Variants in MGAT4C observed in about 807,000 individuals in gnomAD.
MGAT4C encodes the protein alpha-1,3-mannosyl-glycoprotein 4-beta-N-acetylglucosaminyltransferase C.
In MGAT4C, 19 loss-of-function variants were observed where a neutral mutation model predicts 40.1. That is an observed-to-expected ratio of 0.47 (90% CI 0.33 to 0.70). The LOEUF (loss-of-function observed/expected upper bound fraction) is 0.70. Ranked by LOEUF, MGAT4C falls within the 30% of genes least tolerant of loss-of-function variation. The probability of loss-of-function intolerance (pLI) is 0.02; values close to 1 mark genes in which losing one functional copy is unlikely to be tolerated. For missense variants in MGAT4C, 491 were observed against 563.2 expected, an observed-to-expected ratio of 0.87 and a Z score of 1.30; for synonymous variants, 181 against 187.1, an observed-to-expected ratio of 0.97 and a Z score of 0.27.
intron 3 of MGAT4C, among the ~76,000 whole-genome samples, chr12:86,429,164 T>C (rs981414389): frequency 6.6e-5 from 10 of 152,246 alleles, no homozygotes; most frequent in Middle Eastern, 3.4e-3. Context: ...TGTGTTTCCA[T>C]TTGTGTTTGT....
At chr12:86,701,434 T>A (rs1950362770) in intron 2 of MGAT4C, among the ~76,000 whole-genome samples, 1 of 152,140 alleles carries the variant, frequency 6.6e-6, no homozygotes, top group South Asian at 2.1e-4. Context: ...GTTATTTTTG[T>A]AATCGTTTTA....
intron 3 of MGAT4C, among the ~76,000 whole-genome samples, chr12:86,349,137 T>C (rs1378577631): frequency 6.6e-6 from 1 of 152,172 alleles, no homozygotes; most frequent in Non-Finnish European, 1.5e-5. Context: ...AACCATGTCC[T>C]TGAAATCTTA....
At chr12:86,446,147 T>G (rs1052777941) in intron 2 of MGAT4C, among the ~76,000 whole-genome samples, 1 of 152,120 alleles carries the variant, frequency 6.6e-6, no homozygotes, top group African/African-American at 2.4e-5. Flanking sequence ...TTATTGTGAT[T>G]TATGTTCTTT....
At chr12:86,367,049 G>C (rs2136207837) in intron 3 of MGAT4C, among the ~76,000 whole-genome samples, 1 of 152,128 alleles carries the variant, frequency 6.6e-6, no homozygotes, top group South Asian at 2.1e-4. Flanking sequence ...TAAAGTGAAA[G>C]TATATTTTTA....
At position 85,978,232 on chromosome 12, in the gene MGAT4C, A is replaced by G. The variant is rs966436425; in HGVS notation, c.*1057T>C. 6.6e-6 allele frequency: 1 copy of G among 151,712 alleles called. No individual in the cohort carries two copies. Among genetic ancestry groups the G allele is most frequent in the African/African-American group, 2.4e-5 (1 of 41,402 alleles). The allele number at this position is 151,712 out of a possible 1,614,324, so 9.4% of individuals were successfully genotyped here. On this transcript the variant is annotated 3_prime_UTR_variant, in exon 5 of 5. Transcript: ENST00000611864. ...GAACACAAAGCATAAATCTGTCAGG[A>G]GAAATCATACGAGAAAAAGAGCATT...
chr12:86,045,279 G>A (rs984153579), intron 2 of MGAT4C, among the ~76,000 whole-genome samples: 5 of 152,112 alleles, frequency 3.3e-5, no homozygotes, highest in Admixed American at 6.6e-5. Flanking sequence ...ACATTGCAGC[G>A]ATTGGCTGGA....
At chr12:86,837,608 A>G (rs75513409) in intron 1 of MGAT4C, among the ~76,000 whole-genome samples, 2,020 of 152,194 alleles carry the variant, frequency 0.013, 35 homozygotes, top group African/African-American at 0.045. Context: ...TATACCTGCT[A>G]TTCTAACCAT....
In MGAT4C at chr12:86,137,686, T is replaced by C. The variant is rs1882166493; in HGVS notation, c.-56-87963A>G. Among the ~76,000 whole-genome samples, 3 of 152,326 alleles carry C rather than the reference T, an allele frequency of 2.0e-5. No individual in the cohort carries two copies. The South Asian group carries it at 6.2e-4, about 32-fold the overall frequency. ...ATTTTGCAGACATTTGTAGGTGCTA[T>C]GGCCAGATTCCTTCCGATTACTTTT... On this transcript the variant is annotated intron_variant, in intron 1 of 4. Coordinates refer to ENST00000611864, the MANE Select transcript of MGAT4C (RefSeq NM_001351288.2).
At chr12:86,230,348 T>C (rs1357867926) in intron 1 of MGAT4C, among the ~76,000 whole-genome samples, 1 of 152,150 alleles carries the variant, frequency 6.6e-6, no homozygotes, top group African/African-American at 2.4e-5. Flanking sequence ...CCCTACACTC[T>C]ATATGAAAAG....
At chr12:86,184,181 A>G (rs1159669320) in intron 1 of MGAT4C, among the ~76,000 whole-genome samples, 4 of 152,016 alleles carry the variant, frequency 2.6e-5, no homozygotes, top group African/African-American at 9.7e-5. Context: ...TACTATAATT[A>G]CTAATCAATT....
chr12:86,815,777 A>G (rs1182528402), intron 1 of MGAT4C, among the ~76,000 whole-genome samples: 1 of 150,468 alleles, frequency 6.6e-6, no homozygotes, highest in Non-Finnish European at 1.5e-5. Flanking sequence ...CAAACATCAT[A>G]TGTTCTCACT....
At chr12:86,563,205 A>C (rs1319272819) in intron 2 of MGAT4C, among the ~76,000 whole-genome samples, 1 of 152,212 alleles carries the variant, frequency 6.6e-6, no homozygotes, top group Non-Finnish European at 1.5e-5. Context: ...TGGGAACCAT[A>C]GTCACTCAAT....
chr12:86,464,905 A>C (rs1565780218), intron 2 of MGAT4C, among the ~76,000 whole-genome samples: 1 of 152,114 alleles, frequency 6.6e-6, no homozygotes, highest in Non-Finnish European at 1.5e-5. Context: ...CATTATATTT[A>C]TATGATATAC....
chr12:85,998,067 T>A (rs1886836337), intron 2 of MGAT4C, among the ~76,000 whole-genome samples: 1 of 152,216 alleles, frequency 6.6e-6, no homozygotes. Context: ...ATGCAGAGGT[T>A]CCCAAACCCT....
At chr12:86,604,420 C>T (rs1441334985) in intron 2 of MGAT4C, among the ~76,000 whole-genome samples, 1 of 152,046 alleles carries the variant, frequency 6.6e-6, no homozygotes, top group Non-Finnish European at 1.5e-5. Flanking sequence ...TAACTGAGGG[C>T]TTTCCAGGGA....
intron 1 of MGAT4C, among the ~76,000 whole-genome samples, chr12:86,808,040 A>G (rs373565925): frequency 2.0e-5 from 3 of 151,934 alleles, no homozygotes; most frequent in Admixed American, 6.6e-5. Flanking sequence ...TGATGAACGG[A>G]TAAATTCCTG....
intron 3 of MGAT4C, among the ~76,000 whole-genome samples, chr12:86,343,903 T>C (rs956361659): frequency 2.6e-5 from 4 of 152,138 alleles, no homozygotes; most frequent in Non-Finnish European, 4.4e-5. Flanking sequence ...TGTGCTTACA[T>C]ATGAGTGCAC....
intron 2 of MGAT4C, among the ~76,000 whole-genome samples, chr12:86,508,693 T>C (rs1438528186): frequency 2.7e-5 from 4 of 148,876 alleles, no homozygotes; most frequent in Non-Finnish European, 6.0e-5. Context: ...AAAGTGTTCC[T>C]ATTTCTCCAC....
intron 4 of MGAT4C, among the ~76,000 whole-genome samples, chr12:86,268,661 C>T (rs1011090922): frequency 4.2e-5 from 2 of 47,092 alleles, no homozygotes; most frequent in Admixed American, 5.4e-4. Context: ...AGGATATTAA[C>T]TACATATATA....
Sources: gnomAD v4.1 joint callset for allele counts (sites outside exome capture counted in the v4.1 genomes callset) on GRCh38, gnomAD v4.1.1 for gene constraint, MANE v1.5 for transcripts, NCBI Gene and HGNC (gene_info 2026-07-23, HGNC 2026-07-21) for gene names.